Variants in MATCAP2 observed in about 807,000 individuals in gnomAD.
MATCAP2 encodes microtubule associated tyrosine carboxypeptidase 2.
At chr7:36,385,846 A>G in the MATCAP2 span, among the ~76,000 whole-genome samples, 4 of 149,854 alleles carry the variant, frequency 2.7e-5, no homozygotes, top group African/African-American at 9.8e-5. Context: ...ATAAAATAAA[A>G]TAAAATAAGA....
chr7:36,379,813 TACAC>T, the MATCAP2 span, among the ~76,000 whole-genome samples: 4,536 of 124,124 alleles, frequency 0.037, 102 homozygotes, highest in Middle Eastern at 0.062. Context: ...CAATGGTAAG[TACAC>T]ACACACACAC....
the MATCAP2 span, chr7:36,335,133 T>C: frequency 1.2e-6 from 2 of 1,613,914 alleles, no homozygotes; most frequent in Admixed American, 1.7e-5. Context: ...TTTACTACTG[T>C]CATTGACGCT....
the MATCAP2 span, among the ~76,000 whole-genome samples, chr7:36,387,484 C>A: frequency 6.6e-6 from 1 of 151,800 alleles, no homozygotes. Context: ...GTCATTCTAG[C>A]CTAGAAACTG....
chr7:36,366,975 G>GGCTCAGGGGAAAGGGCC, the MATCAP2 span: 1 of 1,341,086 alleles, frequency 7.5e-7, no homozygotes, highest in Non-Finnish European at 9.5e-7. Context: ...GGGCTCCGCG[G>GGCTCAGGGGAAAGGGCC]GCTCAGGGGA....
the MATCAP2 span, among the ~76,000 whole-genome samples, chr7:36,351,362 C>T: frequency 6.6e-6 from 1 of 152,070 alleles, no homozygotes; most frequent in African/African-American, 2.4e-5. Flanking sequence ...CATAATTGCA[C>T]TCCAGCCTGG....
At chr7:36,390,207 G>A in the MATCAP2 span, 1 of 1,116,204 alleles carries the variant, frequency 9.0e-7, no homozygotes. Context: ...GGCCTGCTGT[G>A]GTTGGTGGGT....
chr7:36,356,110 T>G, the MATCAP2 span: 2 of 152,240 alleles, frequency 1.3e-5, no homozygotes, highest in African/African-American at 4.8e-5. Flanking sequence ...AACAAGTTCA[T>G]GGACAAGAAT....
the MATCAP2 span, among the ~76,000 whole-genome samples, chr7:36,365,436 A>G: frequency 2.0e-5 from 3 of 152,232 alleles, no homozygotes; most frequent in African/African-American, 7.2e-5. Context: ...ACAGTGGTTC[A>G]TGCCTATAAT....
the MATCAP2 span, among the ~76,000 whole-genome samples, chr7:36,386,447 ATGTGTG>A: frequency 2.1e-4 from 31 of 148,536 alleles, no homozygotes; most frequent in African/African-American, 5.4e-4. Flanking sequence ...GTATGTGTGT[ATGTGTG>A]TGTGTGTGTG....
chr7:36,373,615 A>T, the MATCAP2 span, among the ~76,000 whole-genome samples: 5 of 152,006 alleles, frequency 3.3e-5, no homozygotes, highest in South Asian at 2.1e-4. Context: ...TTTATTTTTT[A>T]AAAATTTTTT....
chr7:36,373,781 C>G, the MATCAP2 span, among the ~76,000 whole-genome samples: 1 of 152,062 alleles, frequency 6.6e-6, no homozygotes, highest in South Asian at 2.1e-4. Context: ...TCAGAAGCAA[C>G]TGGAGGATTT....
the MATCAP2 span, among the ~76,000 whole-genome samples, chr7:36,337,021 C>G: frequency 7.3e-6 from 1 of 137,324 alleles, no homozygotes; most frequent in South Asian, 2.4e-4. Context: ...CTTGCACAAC[C>G]CAGGAGGCGG....
chr7:36,384,593 A>C, the MATCAP2 span, among the ~76,000 whole-genome samples: 4 of 152,234 alleles, frequency 2.6e-5, no homozygotes, highest in Admixed American at 6.5e-5. Context: ...ACACATAACT[A>C]AAATAATGTC....
chr7:36,351,713 G>A, the MATCAP2 span, among the ~76,000 whole-genome samples: 4 of 151,968 alleles, frequency 2.6e-5, no homozygotes, highest in East Asian at 1.9e-4. Context: ...TTGGGAGGCC[G>A]AGGCAGGTGG....
the MATCAP2 span, chr7:36,324,702 T>G: frequency 6.6e-6 from 1 of 152,364 alleles, no homozygotes; most frequent in East Asian, 1.9e-4. Context: ...CTGAAACTAC[T>G]TTTGGTTCAC....
the MATCAP2 span, among the ~76,000 whole-genome samples, chr7:36,342,633 G>A: frequency 1.3e-5 from 2 of 151,662 alleles, no homozygotes; most frequent in African/African-American, 2.4e-5. Context: ...TAATTTTTTT[G>A]TTTGTTTTGG....
the MATCAP2 span, chr7:36,336,107 A>C: frequency 7.6e-7 from 1 of 1,319,708 alleles, no homozygotes; most frequent in South Asian, 1.8e-5. Context: ...AAAATAAACT[A>C]TGACTGTCAA....
At chr7:36,328,252 T>TCTTG in the MATCAP2 span, among the ~76,000 whole-genome samples, 2 of 64,746 alleles carry the variant, frequency 3.1e-5, no homozygotes, top group African/African-American at 1.1e-4. Flanking sequence ...GGGGGGGGGG[T>TCTTG]CTTGCTATGT....
chr7:36,345,096 A>G, the MATCAP2 span, among the ~76,000 whole-genome samples: 1 of 152,210 alleles, frequency 6.6e-6, no homozygotes, highest in Non-Finnish European at 1.5e-5. Context: ...CCTTGTTAGA[A>G]AATAGTATAA....
Sources: gnomAD v4.1 joint callset for allele counts (sites outside exome capture counted in the v4.1 genomes callset) on GRCh38, gnomAD v4.1.1 for gene constraint, MANE v1.5 for transcripts, NCBI Gene and HGNC (gene_info 2026-07-23, HGNC 2026-07-21) for gene names.